Variants in ANAPC7 observed in about 807,000 individuals in gnomAD.
ANAPC7 encodes the protein anaphase promoting complex subunit 7, also known as anaphase-promoting complex subunit 7.
Under a neutral mutation model 63.3 loss-of-function variants are expected in ANAPC7, and 25 were observed. The observed-to-expected ratio is 0.39, with a 90% CI of 0.29 to 0.55. The LOEUF (loss-of-function observed/expected upper bound fraction) is 0.55. Ranked by LOEUF, ANAPC7 falls within the 20% of genes least tolerant of loss-of-function variation. The pLI, the probability that ANAPC7 is intolerant of heterozygous loss-of-function variation, is 0.57. For missense variants in ANAPC7, 516 were observed against 691.7 expected, an observed-to-expected ratio of 0.75 and a Z score of 2.85; for synonymous variants, 241 against 251.7, an observed-to-expected ratio of 0.96 and a Z score of 0.40.
Position 110,396,464 on chromosome 12 carries a change from G to A in ANAPC7, c.102-12C>T. On this transcript the variant is annotated splice_polypyrimidine_tract_variant and intron_variant, in intron 1 of 10. Coordinates refer to ENST00000455511, the MANE Select transcript of ANAPC7 (RefSeq NM_016238.3). ...GGGAGAATAACTCACTAGAAAACAA[G>A]AGAAAATGTAATACATCTTTTCCTC... The A allele has an allele frequency of 6.3e-7, 1 of 1,581,084 alleles. No homozygotes were observed. The highest frequency in any genetic ancestry group is 8.6e-7 in the Non-Finnish European group (1 of 1,167,148).
At chr12:110,374,355 G>C in intron 10 of ANAPC7, 22 bp from the exon 11 acceptor site, 1 of 1,609,618 alleles carries the variant, frequency 6.2e-7, no homozygotes, top group Non-Finnish European at 8.5e-7. Context: ...CAAAACAAAG[G>C]AGAGGCCTGA....
chr12:110,401,738 C>A (rs2062231033), intron 1 of ANAPC7, among the ~76,000 whole-genome samples: 1 of 151,330 alleles, frequency 6.6e-6, no homozygotes, highest in African/African-American at 2.4e-5. Context: ...GTAATCCCAG[C>A]ACTTTGGGAG....
intron 3 of ANAPC7, among the ~76,000 whole-genome samples, chr12:110,392,092 C>CAAAAAAAAAAAAAAA (rs1283316509): frequency 6.7e-5 from 1 of 14,856 alleles, no homozygotes; most frequent in African/African-American, 3.2e-4. Flanking sequence ...CTCCACCTCA[C>CAAAAAAAAAAAAAAA]AAAAAAAAAA....
chr12:110,388,282 C>T (rs888781435), intron 4 of ANAPC7, among the ~76,000 whole-genome samples: 4 of 152,102 alleles, frequency 2.6e-5, no homozygotes, highest in Admixed American at 6.6e-5. Flanking sequence ...GGCAATCCAC[C>T]CACCTCAGCC....
At position 110,377,489 on chromosome 12, in the gene ANAPC7, G is replaced by A; in HGVS notation, c.1261C>T (p.Pro421Ser). ...GTTTTGGCTTTCTCCTGTGTCACTG[G>A]GTCTTCAAGACAAACGGTGGCTAAA... The part of the protein sequence containing the change: ...TLLATVCLED[P>S]VTQEKAKTLL... The change falls in exon 9 of 11, where the codon CCA becomes TCA. Residue 421 changes from proline (P) to serine (S), a missense_variant. By Grantham distance (74) the Pro-to-Ser change is moderately conservative. Coordinates refer to ENST00000455511, the MANE Select transcript of ANAPC7 (RefSeq NM_016238.3). 1.2e-6 allele frequency: 2 copies of A among 1,614,134 alleles called. No individual in the cohort carries two copies. Among genetic ancestry groups the A allele is most frequent in the Non-Finnish European group, 1.7e-6 (2 of 1,180,022 alleles).
At chr12:110,399,362 G>C (rs189042575) in intron 1 of ANAPC7, among the ~76,000 whole-genome samples, 141 of 151,498 alleles carry the variant, frequency 9.3e-4, no homozygotes, top group African/African-American at 3.2e-3. Flanking sequence ...CAACAAGCTA[G>C]GCACAGTGGC....
chr12:110,383,092 A>G (rs575083466), intron 6 of ANAPC7, 132 bp from the exon 7 acceptor site: 22 of 604,724 alleles, frequency 3.6e-5, no homozygotes, highest in African/African-American at 3.3e-4. Flanking sequence ...CCTTTCCACC[A>G]TCACAGGCTC....
At chr12:110,391,120 G>A (rs546991100) in intron 3 of ANAPC7, among the ~76,000 whole-genome samples, 1 of 152,136 alleles carries the variant, frequency 6.6e-6, no homozygotes, top group Non-Finnish European at 1.5e-5. Flanking sequence ...AACCCAGGAG[G>A]TGGAGGTTGC....
intron 8 of ANAPC7, among the ~76,000 whole-genome samples, chr12:110,379,720 A>T (rs1456547668): frequency 6.6e-6 from 1 of 152,160 alleles, no homozygotes; most frequent in Non-Finnish European, 1.5e-5. Flanking sequence ...ATTTGAACTC[A>T]TCTTCCTGTT....
intron 6 of ANAPC7, among the ~76,000 whole-genome samples, chr12:110,384,104 A>T (rs1450402064): frequency 6.6e-6 from 1 of 152,010 alleles, no homozygotes; most frequent in Non-Finnish European, 1.5e-5. Flanking sequence ...CGGGAGGCTG[A>T]GGCAGGAGAA....
intron 10 of ANAPC7, chr12:110,375,742 G>A (rs1194233881): frequency 1.0e-6 from 1 of 992,560 alleles, no homozygotes; most frequent in African/African-American, 1.7e-5. Flanking sequence ...TGAAAAAGAA[G>A]AATATAAAAT....
chr12:110,380,965 AT>A (rs1394604902), intron 8 of ANAPC7, among the ~76,000 whole-genome samples: 1 of 151,940 alleles, frequency 6.6e-6, no homozygotes, highest in Non-Finnish European at 1.5e-5. Flanking sequence ...GAGAAAAAAA[AT>A]AGGCAAACTA....
Position 110,377,461 on chromosome 12 carries a change from A to T in ANAPC7, c.1289T>A (p.Leu430Ter). The change falls in exon 9 of 11, where the codon TTA becomes TAA. Residue 430 changes from leucine (L) to a stop codon, truncating the protein, a stop_gained. Coordinates refer to ENST00000455511, the MANE Select transcript of ANAPC7 (RefSeq NM_016238.3). LOFTEE classifies it high-confidence loss of function. ...DPVTQEKAKT[L>*]LDKALTQRPD... Reference sequence around the variant, plus strand: ...CCTTTGGGTCAGGGCTTTATCTAATAATGTTTTGGCTTTCTCCTGTGTCAC... The same window carrying T: ...CCTTTGGGTCAGGGCTTTATCTAATTATGTTTTGGCTTTCTCCTGTGTCAC... The T allele has an allele frequency of 6.2e-7, 1 of 1,614,180 alleles. No homozygotes were observed. Among genetic ancestry groups the T allele is most frequent in the Non-Finnish European group, 8.5e-7 (1 of 1,180,016 alleles).
At chr12:110,396,618 C>A in intron 1 of ANAPC7, 166 bp from the exon 2 acceptor site, 2 of 496,336 alleles carry the variant, frequency 4.0e-6, no homozygotes, top group South Asian at 4.9e-5. Flanking sequence ...TCAAGTGATT[C>A]TCCTTCCTCA....
At position 110,381,946 on chromosome 12, in the gene ANAPC7, C is replaced by G; in HGVS notation, c.938G>C (p.Cys313Ser). The change falls in exon 8 of 11, where the codon TGT becomes TCT. Residue 313 changes from cysteine (C) to serine (S), a missense_variant and splice_region_variant. By Grantham distance (112) the Cys-to-Ser change is moderately radical. Transcript: ENST00000455511. ...QHAEPWVVSG[C>S]HSFYSKRYSR... is the part of the protein sequence containing the mutation. ...GTAGCGTTTGCTATAGAAGCTGTGA[C>G]AGCTGGAGAAAAAAAAAAAAAAAAA... 1.7e-6 allele frequency: 1 copy of G among 573,784 alleles called. No homozygotes were observed. Among genetic ancestry groups the G allele is most frequent in the South Asian group, 1.9e-5 (1 of 52,124 alleles). The allele number at this position is 573,784 out of a possible 1,614,324, so 35.5% of individuals were successfully genotyped here. A position where few individuals can be genotyped will look rare whatever the true frequency, so the allele number is the denominator to read the frequency against.
At chr12:110,387,930 C>A in intron 4 of ANAPC7, 38 bp from the exon 5 acceptor site, 1 of 1,604,294 alleles carries the variant, frequency 6.2e-7, no homozygotes, top group South Asian at 1.1e-5. Flanking sequence ...AAGTAAGGCA[C>A]GATATCTCTC....
chr12:110,378,355 A>C (rs958005719), intron 8 of ANAPC7, among the ~76,000 whole-genome samples: 4 of 152,180 alleles, frequency 2.6e-5, no homozygotes, highest in Admixed American at 2.6e-4. Flanking sequence ...CAGCCTCCCA[A>C]AGTATTAGGA....
At chr12:110,388,020 A>G (rs1010547746) in intron 4 of ANAPC7, 128 bp from the exon 5 acceptor site, 198 of 943,022 alleles carry the variant, frequency 2.1e-4, no homozygotes, top group Admixed American at 9.6e-4. Flanking sequence ...GATGCATGAG[A>G]GAAAAACCAT....
intron 3 of ANAPC7, among the ~76,000 whole-genome samples, chr12:110,394,728 C>T (rs1883421150): frequency 6.9e-6 from 1 of 145,726 alleles, no homozygotes; most frequent in Admixed American, 7.0e-5. Context: ...CAACTGTAAT[C>T]CCAGCTATTT....
Sources: allele counts gnomAD v4.1 joint callset (sites outside exome capture counted in the v4.1 genomes callset), GRCh38; gene constraint gnomAD v4.1.1; transcripts MANE v1.5; gene names NCBI Gene and HGNC (gene_info 2026-07-23, HGNC 2026-07-21).